The following NRG1 variants were observed in gnomAD, a reference collection of about 807,000 sequenced individuals.
The protein encoded by NRG1 is pro-neuregulin-1, membrane-bound isoform.
In NRG1, 18 loss-of-function variants were observed where a neutral mutation model predicts 63.8. The ratio of observed to expected loss-of-function variants is 0.28; its 90% CI spans 0.19 to 0.42. NRG1 has a LOEUF of 0.42. Among genes scored for constraint, NRG1 ranks in the 10% least tolerant of loss-of-function variants. The pLI, the probability that NRG1 is intolerant of heterozygous loss-of-function variation, is 1.00. For missense variants in NRG1, 762 were observed against 814.7 expected (o/e 0.94, Z 0.79); for synonymous variants, 302 against 301.3 (o/e 1.00, Z -0.02).
intron 1 of NRG1, among the ~76,000 whole-genome samples, chr8:31,822,474 C>G (rs1260462962): frequency 6.6e-6 from 1 of 152,120 alleles, no homozygotes; most frequent in Admixed American, 6.5e-5. Flanking sequence ...CAAAATGAGG[C>G]AAACGGCCAA....
intron 6 of NRG1, among the ~76,000 whole-genome samples, chr8:32,729,062 C>T (rs953688863): frequency 4.0e-5 from 6 of 151,822 alleles, no homozygotes; most frequent in African/African-American, 1.2e-4. Context: ...AGCGAGACTC[C>T]GTCCCAAAAA....
intron 1 of NRG1, among the ~76,000 whole-genome samples, chr8:32,456,246 T>C (rs988466434): frequency 1.3e-5 from 2 of 152,252 alleles, no homozygotes; most frequent in African/African-American, 2.4e-5. Context: ...CAGTACATTT[T>C]ACACCCTTCC....
intron 1 of NRG1, among the ~76,000 whole-genome samples, chr8:31,918,464 T>C (rs1833605351): frequency 6.6e-6 from 1 of 152,222 alleles, no homozygotes. Context: ...GATAATCATG[T>C]GGTATTTGTC....
chr8:32,063,343 A>G (rs1409017419), intron 1 of NRG1: 1 of 152,168 alleles, frequency 6.6e-6, no homozygotes, highest in African/African-American at 2.4e-5. Flanking sequence ...TAGCGAAAGA[A>G]AAATACTTTC....
intron 1 of NRG1, among the ~76,000 whole-genome samples, chr8:32,100,524 C>G (rs1312940609): frequency 6.6e-6 from 1 of 151,842 alleles, no homozygotes; most frequent in Non-Finnish European, 1.5e-5. Context: ...CCATGCTCTT[C>G]TCATTATACA....
intron 1 of NRG1, among the ~76,000 whole-genome samples, chr8:32,241,809 T>C (rs1848126043): frequency 6.6e-6 from 1 of 151,262 alleles, no homozygotes; most frequent in Non-Finnish European, 1.5e-5. Flanking sequence ...CTGGAGTGAG[T>C]GTGCAGTGGT....
intron 1 of NRG1, among the ~76,000 whole-genome samples, chr8:31,686,194 C>T (rs1243093286): frequency 6.6e-6 from 1 of 152,140 alleles, no homozygotes; most frequent in African/African-American, 2.4e-5. Context: ...TAAAATCTGT[C>T]TCCAAAATGG....
At chr8:32,467,955 G>A (rs774808088) in intron 1 of NRG1, among the ~76,000 whole-genome samples, 7 of 152,170 alleles carry the variant, frequency 4.6e-5, no homozygotes, top group African/African-American at 9.7e-5. Flanking sequence ...AAATCCCAAC[G>A]ATAAACATCT....
chr8:32,542,351 C>T (rs1832657616), intron 1 of NRG1, among the ~76,000 whole-genome samples: 1 of 152,154 alleles, frequency 6.6e-6, no homozygotes, highest in Non-Finnish European at 1.5e-5. Flanking sequence ...GTACCATCAT[C>T]ATCATCATCA....
intron 1 of NRG1, among the ~76,000 whole-genome samples, chr8:31,965,037 G>A (rs1370975268): frequency 6.6e-6 from 1 of 152,140 alleles, no homozygotes; most frequent in Non-Finnish European, 1.5e-5. Context: ...GGCCAGTGAT[G>A]GAGCAACTTC....
intron 1 of NRG1, among the ~76,000 whole-genome samples, chr8:31,673,413 C>T (rs1384875490): frequency 2.6e-5 from 4 of 152,126 alleles, no homozygotes; most frequent in African/African-American, 7.2e-5. Context: ...AATAACTATG[C>T]TTTGATAGTC....
chr8:31,973,517 G>A (rs1807645336), intron 1 of NRG1, among the ~76,000 whole-genome samples: 1 of 152,164 alleles, frequency 6.6e-6, no homozygotes, highest in Non-Finnish European at 1.5e-5. Context: ...GGAAAATCAA[G>A]GCTCCGTAAA....
At chr8:32,466,169 G>T (rs530767659) in intron 1 of NRG1, among the ~76,000 whole-genome samples, 1 of 152,020 alleles carries the variant, frequency 6.6e-6, no homozygotes, top group Non-Finnish European at 1.5e-5. Context: ...AAGTAACTAA[G>T]TAAGTAAATT....
At chr8:32,179,918 G>T (rs767155397) in intron 1 of NRG1, among the ~76,000 whole-genome samples, 10 of 151,824 alleles carry the variant, frequency 6.6e-5, no homozygotes, top group Non-Finnish European at 1.3e-4. Context: ...TAAACACGAA[G>T]GTTTGAAGTC....
chr8:32,735,195 A>G (rs1328794004), intron 6 of NRG1, among the ~76,000 whole-genome samples: 1 of 152,220 alleles, frequency 6.6e-6, no homozygotes, highest in African/African-American at 2.4e-5. Flanking sequence ...TTCTTAATCC[A>G]TTCATCTGTT....
intron 1 of NRG1, among the ~76,000 whole-genome samples, chr8:31,778,418 C>G (rs575828094): frequency 6.6e-6 from 1 of 152,280 alleles, no homozygotes; most frequent in South Asian, 2.1e-4. Context: ...AATTTTTGTT[C>G]TTGCTCTTAT....
At chr8:32,744,319 G>A (rs1203802670) in intron 7 of NRG1, among the ~76,000 whole-genome samples, 2 of 152,142 alleles carry the variant, frequency 1.3e-5, no homozygotes, top group East Asian at 1.9e-4. Context: ...AGACAACTTC[G>A]TAGGCCATTT....
chr8:31,958,393 C>T (rs1025666595), intron 1 of NRG1, among the ~76,000 whole-genome samples: 9 of 152,308 alleles, frequency 5.9e-5, no homozygotes, highest in Admixed American at 2.0e-4. Context: ...AAATTACCAC[C>T]ATCAGGCAAA....
chr8:32,055,162 T>C (rs1250816088), intron 1 of NRG1, among the ~76,000 whole-genome samples: 1 of 152,114 alleles, frequency 6.6e-6, no homozygotes, highest in Non-Finnish European at 1.5e-5. Flanking sequence ...AGTGCTGGGA[T>C]TACAGAGAGA....
Sources: allele counts gnomAD v4.1 joint callset (sites outside exome capture counted in the v4.1 genomes callset), GRCh38; gene constraint gnomAD v4.1.1; transcripts MANE v1.5; gene names NCBI Gene and HGNC (gene_info 2026-07-23, HGNC 2026-07-21).